Variants in BMS1 observed in about 807,000 individuals in gnomAD.
The protein encoded by BMS1 is ribosome biogenesis protein BMS1 homolog.
A neutral mutation model predicts 138.7 loss-of-function variants in BMS1; 53 were observed. The observed-to-expected ratio is 0.38, with a 90% CI of 0.31 to 0.48. The LOEUF (loss-of-function observed/expected upper bound fraction) is 0.48. Ranked by LOEUF, BMS1 falls within the 20% of genes least tolerant of loss-of-function variation. The probability of loss-of-function intolerance (pLI) is 0.97; values close to 1 mark genes in which losing one functional copy is unlikely to be tolerated. For synonymous variants in BMS1, 504 were observed against 539.9 expected, an observed-to-expected ratio of 0.93 and a Z score of 0.92; for missense variants, 1,360 against 1,565.5, an observed-to-expected ratio of 0.87 and a Z score of 2.22.
chr10:42,796,481 A>T lies in BMS1; in HGVS notation c.1237A>T (p.Met413Leu). ...SEDIDNQGLM[M>L]PKEEKQMDLN... ...ATTTCCTTGGTAATACAGGCTAATG[A>T]TGCCAAAGGAGGAAAAACAAATGGA... The change falls in exon 10 of 23, where the codon ATG becomes TTG. Residue 413 changes from methionine to leucine, a missense_variant. This residue lies in a region of BMS1 where 697 missense variants were observed against 686.2 expected (regional missense o/e 1.02). Transcript: ENST00000374518. 6.2e-7 allele frequency: 1 copy of T among 1,610,992 alleles called. No individual in the cohort carries two copies. Among genetic ancestry groups the T allele is most frequent in the South Asian group, 1.1e-5 (1 of 90,962 alleles).
Position 42,785,489 on chromosome 10 carries a change from G to A in BMS1, c.184G>A (p.Asp62Asn), listed in dbSNP as rs752508378. 6.2e-7 allele frequency: 1 copy of A among 1,606,480 alleles called. No homozygotes were observed. The highest frequency in any genetic ancestry group is 1.1e-5 in the South Asian group (1 of 89,886). Residue 62 changes from aspartate to asparagine, a missense_variant, in exon 3 of 23, where the codon GAT (aspartate) becomes AAT (asparagine). Asp to Asn is a conservative substitution (Grantham distance 23). Transcript: ENST00000374518. ...RMARSFHRTQ[D>N]LKTKKHHIPV... The stretch of plus-strand genomic sequence containing the variant: ...TTATTTTTTAATGAATAGGACTCAG[G>A]ATTTGAAGACAAAAAAGCATCATAT...
rs193027243 is a variant in BMS1, at chr10:42,815,488, T to C, written c.2330-1111T>C. 2.7e-4 allele frequency among the ~76,000 whole-genome samples: 41 copies of C among 152,384 alleles called. No individual in the cohort carries two copies. The East Asian group carries it at 6.2e-3, about 23-fold the overall frequency. ...CTATTATAACTTCTACCTGGTTCTT[T>C]GGCCCTTATGTGAAAATGTTTTAAT... On this transcript the variant is annotated intron_variant, in intron 13 of 22. Transcript: ENST00000374518.
intron 14 of BMS1, among the ~76,000 whole-genome samples, 182 bp from the exon 15 acceptor site, chr10:42,817,136 A>G (rs1444762709): frequency 6.6e-6 from 1 of 152,180 alleles, no homozygotes; most frequent in African/African-American, 2.4e-5. Flanking sequence ...AGATGTAACC[A>G]TTTCCTGTAG....
intron 15 of BMS1, 117 bp downstream of exon 15, chr10:42,817,611 C>CT: frequency 9.9e-7 from 1 of 1,006,436 alleles, no homozygotes; most frequent in South Asian, 2.0e-5. Flanking sequence ...GCTTCTGTGC[C>CT]TTTCATTCGG....
At position 42,793,419 on chromosome 10, in the gene BMS1, C is replaced by T. The variant is rs559482660; in HGVS notation, c.1089+275C>T. On this transcript the variant is annotated intron_variant, in intron 8 of 22. Coordinates refer to ENST00000374518, the MANE Select transcript of BMS1 (RefSeq NM_014753.4). Reference sequence around the variant, plus strand: ...GTGTGGCGCCTGCACGGCCCATCCCCGTTTCTACAAAATCAGTGTGCTTTC... The same window carrying T: ...GTGTGGCGCCTGCACGGCCCATCCCTGTTTCTACAAAATCAGTGTGCTTTC... Among the ~76,000 whole-genome samples the T allele has an allele frequency of 1.4e-4, 22 of 152,212 alleles. No individual in the cohort carries two copies. The East Asian group carries it at 1.7e-3, about 12-fold the overall frequency.
rs938019396 is a variant in BMS1, at chr10:42,802,140, A to G, written c.2251A>G (p.Met751Val). 3 of 1,611,878 alleles carry G rather than the reference A, an allele frequency of 1.9e-6. No homozygotes were observed. Among genetic ancestry groups the G allele is most frequent in the African/African-American group, 2.7e-5 (2 of 74,880 alleles). ...APHDWDLEEV[M>V]NSIRDCFVTG... is the part of the protein sequence containing the mutation. ...AGTGCTGACTTTTCTGCGTAAGGTT[A>G]TGAACAGTATCAGAGATTGCTTCGT... The change falls in exon 13 of 23, where the codon ATG (methionine) becomes GTG (valine). Residue 751 changes from methionine (M) to valine (V), a missense_variant. By Grantham distance (21) the Met-to-Val change is conservative. This residue lies in a region of BMS1 where 697 missense variants were observed against 686.2 expected (regional missense o/e 1.02). Transcript: ENST00000374518.
At chr10:42,810,126 C>T (rs1842129401) in intron 13 of BMS1, among the ~76,000 whole-genome samples, 1 of 152,028 alleles carries the variant, frequency 6.6e-6, no homozygotes, top group Non-Finnish European at 1.5e-5. Context: ...AATGTTGAAG[C>T]AGACTTGCAT....
intron 9 of BMS1, among the ~76,000 whole-genome samples, chr10:42,795,847 A>G (rs528167244): frequency 1.3e-5 from 2 of 152,268 alleles, no homozygotes; most frequent in South Asian, 2.1e-4. Flanking sequence ...GTTAGCTGGC[A>G]TTTTTAACAA....
At chr10:42,794,179 A>C (rs764359678) in intron 9 of BMS1, among the ~76,000 whole-genome samples, 188 bp downstream of exon 9, 1 of 152,204 alleles carries the variant, frequency 6.6e-6, no homozygotes, top group Non-Finnish European at 1.5e-5. Context: ...TTCTTGAAAT[A>C]AATTGCAGGA....
At chr10:42,800,634 C>T (rs1841845051) in intron 12 of BMS1, among the ~76,000 whole-genome samples, 1 of 150,308 alleles carries the variant, frequency 6.7e-6, no homozygotes, top group African/African-American at 2.5e-5. Context: ...TCATGCCATT[C>T]TCCTGCCTCA....
chr10:42,802,779 A>T (rs990909184), intron 13 of BMS1, among the ~76,000 whole-genome samples: 8 of 150,550 alleles, frequency 5.3e-5, no homozygotes, highest in African/African-American at 1.9e-4. Flanking sequence ...ATTTAAAATT[A>T]AAAAATATTT....
chr10:42,808,291 T>TTTA (rs869061867), intron 13 of BMS1, among the ~76,000 whole-genome samples: 4 of 115,208 alleles, frequency 3.5e-5, no homozygotes, highest in Admixed American at 8.8e-5. Flanking sequence ...TATTTATTTA[T>TTTA]TTATTATTAT....
chr10:42,817,261 G>A, intron 14 of BMS1, 57 bp from the exon 15 acceptor site: 1 of 1,278,086 alleles, frequency 7.8e-7, no homozygotes, highest in Non-Finnish European at 1.1e-6. Context: ...AAAAGCTAAT[G>A]TTTAAAGAAA....
At chr10:42,790,841 C>A (rs541971898) in intron 5 of BMS1, among the ~76,000 whole-genome samples, 3 of 151,582 alleles carry the variant, frequency 2.0e-5, no homozygotes, top group African/African-American at 7.3e-5. Context: ...CACAGTGAGA[C>A]GCTTGTCTCA....
chr10:42,794,353 T>C (rs1184621413), intron 9 of BMS1, among the ~76,000 whole-genome samples: 2 of 152,176 alleles, frequency 1.3e-5, no homozygotes, highest in Non-Finnish European at 2.9e-5. Flanking sequence ...ACATGCCTTG[T>C]CTCTGAAAGT....
In BMS1 at chr10:42,790,262, C is replaced by A. The variant is rs973558376; in HGVS notation, c.448-61C>A. On this transcript the variant is annotated intron_variant, in intron 4 of 22. Coordinates refer to ENST00000374518, the MANE Select transcript of BMS1 (RefSeq NM_014753.4). ...GATTTTGCCCGTGGCCAGTTGCCAA[C>A]CCTTAGTGTAGGTGGTCTGTTTTGG... is the stretch of plus-strand genomic sequence containing the variant. The A allele has an allele frequency of 3.2e-6, 5 of 1,574,666 alleles. No individual in the cohort carries two copies. In the African/African-American group the frequency reaches 6.8e-5, roughly 21 times the overall value.
chr10:42,817,550 A>G (rs1466909471), intron 15 of BMS1, 56 bp downstream of exon 15: 1 of 1,526,516 alleles, frequency 6.6e-7, no homozygotes, highest in East Asian at 2.3e-5. Flanking sequence ...TAGCGCAGGA[A>G]TCCCTGACTT....
chr10:42,796,706 C>A lies in BMS1; in HGVS notation c.1462C>A (p.Leu488Ile). The change falls in exon 10 of 23, where the codon CTT becomes ATT. Residue 488 changes from leucine to isoleucine, a missense_variant. Around this residue, in one of 3 missense-constraint regions of BMS1, gnomAD observed 697 missense variants for 686.2 expected, o/e 1.02. Transcript: ENST00000374518. ...MAVKGIKRRK[L>I]ELEEDSEMDL... ...TGTTAAGGGCATCAAACGACGGAAA[C>A]TTGAGTTGGAAGAAGACAGTGAAAT... 6.2e-7 allele frequency: 1 copy of A among 1,614,114 alleles called. No homozygotes were observed. The highest frequency in any genetic ancestry group is 8.5e-7 in the Non-Finnish European group (1 of 1,180,024).
chr10:42,811,351 C>G (rs1263014934), intron 13 of BMS1, among the ~76,000 whole-genome samples: 1 of 150,372 alleles, frequency 6.7e-6, no homozygotes. Context: ...CCAATTTCTG[C>G]CCCTTATTAT....
Sources: gnomAD v4.1 joint callset for allele counts (sites outside exome capture counted in the v4.1 genomes callset) on GRCh38, gnomAD v4.1.1 for gene constraint, gnomAD v4.1.1 regional missense constraint, MANE v1.5 for transcripts, NCBI Gene and HGNC (gene_info 2026-07-23, HGNC 2026-07-21) for gene names.